The following HSD17B13 variants were observed in gnomAD, a reference collection of about 807,000 sequenced individuals.
HSD17B13 encodes the protein hydroxysteroid 17-beta dehydrogenase 13.
In HSD17B13, 26 loss-of-function variants were observed where a neutral mutation model predicts 31.1. The observed-to-expected ratio is 0.84, with a 90% CI of 0.61 to 1.16. The LOEUF (loss-of-function observed/expected upper bound fraction) is 1.16, where lower values mean the gene tolerates loss of function less well. HSD17B13 is among the 50% of genes most tolerant of loss of function. HSD17B13 has a pLI of 0.00. For synonymous variants in HSD17B13, 141 were observed against 133.7 expected, an observed-to-expected ratio of 1.05 and a Z score of -0.38; for missense variants, 374 against 366.5, an observed-to-expected ratio of 1.02 and a Z score of -0.17.
chr4:87,305,453 C>T, intron 6 of HSD17B13, 145 bp from the exon 7 acceptor site: 1 of 480,900 alleles, frequency 2.1e-6, no homozygotes, highest in South Asian at 4.3e-5. Context: ...TTGCAACCAC[C>T]TCTCTTTTAC....
chr4:87,308,635 T>C (rs1734449809), intron 6 of HSD17B13, among the ~76,000 whole-genome samples: 1 of 148,810 alleles, frequency 6.7e-6, no homozygotes, highest in African/African-American at 2.5e-5. Flanking sequence ...GAGCCAAGAT[T>C]GTGCCACTGC....
At position 87,313,945 on chromosome 4, in the gene HSD17B13, G is replaced by A. The variant is rs756162852; in HGVS notation, c.573C>T (p.Ala191=). Residue 191 remains alanine, a synonymous_variant, in exon 5 of 7, where the codon GCC becomes GCT. Coordinates refer to ENST00000328546, the MANE Select transcript of HSD17B13 (RefSeq NM_178135.5). ...YLIPYCSSKF[A]AVGFHRGLTS... Reference sequence around the variant, plus strand: ...TCAGACCTCTGTGAAAGCCAACAGCGGCAAATTTGCTGGAACTGTAAGAGA... The same window carrying A: ...TCAGACCTCTGTGAAAGCCAACAGCAGCAAATTTGCTGGAACTGTAAGAGA... The A allele has an allele frequency of 5.9e-6, 9 of 1,536,774 alleles. No individual in the cohort carries two copies. The highest frequency in any genetic ancestry group is 1.7e-4 in the Middle Eastern group (1 of 5,752).
At chr4:87,316,954 C>T (rs1185590764) in intron 3 of HSD17B13, 138 bp downstream of exon 3, 7 of 853,580 alleles carry the variant, frequency 8.2e-6, no homozygotes, top group Non-Finnish European at 1.3e-5. Flanking sequence ...GGCTCTTCTA[C>T]TCAAACAAAT....
At chr4:87,317,563 C>CTTTATTTTTTTTTTTTTTTTTTT (rs1734681075) in intron 2 of HSD17B13, among the ~76,000 whole-genome samples, 5 of 49,712 alleles carry the variant, frequency 1.0e-4, no homozygotes, top group African/African-American at 3.4e-4. Flanking sequence ...TTTCTTTAAA[C>CTTTATTTTTTTTTTTTTTTTTTT]TTTTTTTTTT....
At position 87,304,708 on chromosome 4, in the gene HSD17B13, G is replaced by C. The variant is rs890869713; in HGVS notation, c.*510C>G. ...GTTTTGGGCTAATGAAAAAGGAAGA[G>C]GCTAGGGAAATCTTTCAAATGCTGA... On this transcript the variant is annotated 3_prime_UTR_variant, in exon 7 of 7. Transcript: ENST00000328546. 3 of 152,226 alleles carry C rather than the reference G, an allele frequency of 2.0e-5. No individual in the cohort carries two copies. The highest frequency in any genetic ancestry group is 7.2e-5 in the African/African-American group (3 of 41,434). The allele number at this position is 152,226 out of a possible 1,614,324, so 9.4% of individuals were successfully genotyped here. A position where few individuals can be genotyped will look rare whatever the true frequency, so the allele number is the denominator to read the frequency against.
intron 5 of HSD17B13, among the ~76,000 whole-genome samples, chr4:87,313,472 G>A (rs904418847): frequency 6.6e-6 from 1 of 152,098 alleles, no homozygotes; most frequent in Non-Finnish European, 1.5e-5. Flanking sequence ...TCTCACCAGA[G>A]ACAAGAGTTC....
intron 4 of HSD17B13, 76 bp from the exon 5 acceptor site, chr4:87,314,036 T>G: frequency 5.1e-5 from 63 of 1,241,256 alleles, no homozygotes; most frequent in Non-Finnish European, 6.3e-5. Context: ...GAAGGCGGTA[T>G]CATTTGGCTT....
chr4:87,312,792 G>T lies in HSD17B13; in HGVS notation c.695+1031C>A, dbSNP rs1734563783. On this transcript the variant is annotated intron_variant, in intron 5 of 6. Transcript: ENST00000328546. ...CTTATTTTTTTGGCCGGGCATGGTG[G>T]CTCACTCCTGTAATCCCAGCATTTT... Among the ~76,000 whole-genome samples, 3 of 151,828 alleles carry T rather than the reference G, an allele frequency of 2.0e-5. No homozygotes were observed. The South Asian group carries it at 6.2e-4, about 32-fold the overall frequency.
intron 6 of HSD17B13, 68 bp downstream of exon 6, chr4:87,310,175 A>AT: frequency 7.1e-7 from 1 of 1,403,970 alleles, no homozygotes. Flanking sequence ...CTCTGTCTAA[A>AT]AAAAAAAAAA....
At chr4:87,308,952 G>T (rs1047954679) in intron 6 of HSD17B13, among the ~76,000 whole-genome samples, 1 of 130,340 alleles carries the variant, frequency 7.7e-6, no homozygotes. Context: ...AAAGCTTATC[G>T]AGTTTAGCAA....
intron 3 of HSD17B13, 30 bp from the exon 4 acceptor site, chr4:87,315,629 C>A: frequency 7.1e-7 from 1 of 1,406,570 alleles, no homozygotes; most frequent in Non-Finnish European, 1.0e-6. Context: ...AGAAGAAAGA[C>A]AATGACATAG....
rs1734816287 is a variant in HSD17B13 at position 87,322,711 on chromosome 4, G to T, written c.131C>A (p.Ala44Asp). The change falls in exon 1 of 7, where the codon GCT becomes GAT. Residue 44 changes from alanine to aspartate, a missense_variant. Physicochemically the swap from Ala to Asp is moderately radical, Grantham distance 126. Transcript: ENST00000328546. ...VAGEIVLITGAGHGIGRQTTY... is the reference protein window; with the variant it reads ...VAGEIVLITGDGHGIGRQTTY... ...AGTCTGCCTGCCTATTCCATGCCCA[G>T]CTCCAGTAATGAGAACAATCTCCCC... 6.2e-7 allele frequency: 1 copy of T among 1,613,964 alleles called. No individual in the cohort carries two copies. Among genetic ancestry groups the T allele is most frequent in the Non-Finnish European group, 8.5e-7 (1 of 1,179,998 alleles).
At chr4:87,312,947 T>C (rs939604124) in intron 5 of HSD17B13, among the ~76,000 whole-genome samples, 2 of 150,492 alleles carry the variant, frequency 1.3e-5, no homozygotes, top group Non-Finnish European at 2.9e-5. Flanking sequence ...GTAATCCAAA[T>C]ACTCAGGAGG....
chr4:87,311,243 T>C (rs1395136570), intron 5 of HSD17B13, among the ~76,000 whole-genome samples: 1 of 152,174 alleles, frequency 6.6e-6, no homozygotes, highest in Non-Finnish European at 1.5e-5. Flanking sequence ...GTTTAGCATA[T>C]AATCAAGAAG....
intron 4 of HSD17B13, among the ~76,000 whole-genome samples, chr4:87,315,256 C>G (rs1734625505): frequency 6.6e-6 from 1 of 152,220 alleles, no homozygotes; most frequent in Non-Finnish European, 1.5e-5. Flanking sequence ...CCAGAAAATT[C>G]TGTAATTGGC....
Position 87,317,115 on chromosome 4 carries a change from C to T in HSD17B13, c.427G>A (p.Val143Ile). 2 of 1,614,076 alleles carry T rather than the reference C, an allele frequency of 1.2e-6. No homozygotes were observed. Among genetic ancestry groups the T allele is most frequent in the South Asian group, 1.1e-5 (1 of 91,076 alleles). The change falls in exon 3 of 7, where the codon GTC becomes ATC. Residue 143 changes from valine to isoleucine, a missense_variant. By Grantham distance (29) the Val-to-Ile change is conservative. Coordinates refer to ENST00000328546, the MANE Select transcript of HSD17B13 (RefSeq NM_178135.5). ...KDEEITKTFE[V>I]NILGHFWITK... ...ACCCAAAAATGTCCTAGGATGTTGA[C>T]CTCAAATGTCTTGGTAATCTCTTCA...
chr4:87,310,223 G>A lies in HSD17B13; in HGVS notation c.812+20C>T, dbSNP rs1734499106. 2 of 1,531,338 alleles carry A rather than the reference G, an allele frequency of 1.3e-6. No homozygotes were observed. The highest frequency in any genetic ancestry group is 1.5e-5 in the African/African-American group (1 of 68,702). The allele number at this position is 1,531,338 out of a possible 1,614,324, so 94.9% of individuals were successfully genotyped here. A position where few individuals can be genotyped will look rare whatever the true frequency, so the allele number is the denominator to read the frequency against. ...GCTCTATTGGTGTTTTAGTATTTGGGTGTTCTGTGCTGTACTTACTTCTGT... is the reference window on the plus strand; with the variant it reads ...GCTCTATTGGTGTTTTAGTATTTGGATGTTCTGTGCTGTACTTACTTCTGT... On this transcript the variant is annotated intron_variant, in intron 6 of 6. Transcript: ENST00000328546.
chr4:87,313,441 C>T (rs7698406), intron 5 of HSD17B13, among the ~76,000 whole-genome samples: 8,216 of 152,168 alleles, frequency 0.054, 709 homozygotes, highest in African/African-American at 0.19. Flanking sequence ...AATTTTTCTT[C>T]TCTTGTGGTC....
chr4:87,316,689 C>A (rs1421245619), intron 3 of HSD17B13, among the ~76,000 whole-genome samples: 2 of 152,158 alleles, frequency 1.3e-5, no homozygotes, highest in Non-Finnish European at 2.9e-5. Flanking sequence ...TTCTGATGTC[C>A]TTTCCATTCT....
Sources: allele counts gnomAD v4.1 joint callset (sites outside exome capture counted in the v4.1 genomes callset), GRCh38; gene constraint gnomAD v4.1.1; transcripts MANE v1.5; gene names NCBI Gene and HGNC (gene_info 2026-07-23, HGNC 2026-07-21).